Variants in ATP5IF1 observed in about 807,000 individuals in gnomAD.
ATP5IF1 encodes the protein ATP synthase inhibitory factor subunit 1.
A neutral mutation model predicts 8.5 loss-of-function variants in ATP5IF1; 12 were observed. The ratio of observed to expected loss-of-function variants is 1.41; its 90% CI spans 0.90 to 2.28. The LOEUF (loss-of-function observed/expected upper bound fraction) is 2.28, where lower values mean the gene tolerates loss of function less well. Among genes scored for constraint, ATP5IF1 ranks in the 30% most tolerant of loss-of-function variants. The pLI is 0.00. For missense variants in ATP5IF1, 154 were observed against 140.2 expected (o/e 1.10, Z -0.50); for synonymous variants, 51 against 53.4 (o/e 0.96, Z 0.19).
chr1:28,236,159 C>A lies in ATP5IF1; in HGVS notation c.-25C>A. On this transcript the variant is annotated 5_prime_UTR_variant, in exon 1 of 3. Transcript: ENST00000335514. The stretch of plus-strand genomic sequence containing the variant: ...GAGAGACTGCTTGCTGCGGCAGAGA[C>A]GCCAGAGGTGCAGCTCCAGCAGCAA... The A allele has an allele frequency of 9.3e-6, 15 of 1,610,164 alleles. No individual in the cohort carries two copies. Among genetic ancestry groups the A allele is most frequent in the Non-Finnish European group, 1.3e-5 (15 of 1,179,778 alleles).
intron 2 of ATP5IF1, chr1:28,236,672 A>G: frequency 2.6e-5 from 38 of 1,446,742 alleles, no homozygotes; most frequent in Non-Finnish European, 3.3e-5. Flanking sequence ...CAGGCCCCCA[A>G]ACCGTTTCCA....
chr1:28,237,802 T>C (rs1226470818), intron 2 of ATP5IF1, 35 bp from the exon 3 acceptor site: 13 of 1,613,976 alleles, frequency 8.1e-6, no homozygotes, highest in Non-Finnish European at 1.1e-5. Flanking sequence ...GGGTGAAGGA[T>C]TGAAATTAAA....
intron 2 of ATP5IF1, chr1:28,236,740 C>T: frequency 1.5e-6 from 2 of 1,339,594 alleles, no homozygotes; most frequent in East Asian, 3.2e-5. Flanking sequence ...TACCATCTCC[C>T]GCGTGGAGTT....
chr1:28,236,525 C>T (rs1236733634), intron 2 of ATP5IF1, 73 bp downstream of exon 2: 5 of 1,605,366 alleles, frequency 3.1e-6, no homozygotes, highest in Non-Finnish European at 4.2e-6. Flanking sequence ...TGCCAATCGC[C>T]CCACCCGTTC....
Position 28,237,857 on chromosome 1 carries a change from T to C in ATP5IF1, c.200T>C (p.Leu67Pro). The C allele has an allele frequency of 1.9e-6, 3 of 1,614,162 alleles. No homozygotes were observed. Among genetic ancestry groups the C allele is most frequent in the Non-Finnish European group, 2.5e-6 (3 of 1,180,028 alleles). ...TGTAGAGCACAGAGTAGAGAACAAC[T>C]GGCAGCTTTGAAAAAACACCATGAA... ...RYFRAQSREQ[L>P]AALKKHHEEE... The change falls in exon 3 of 3, where the codon CTG (leucine) becomes CCG (proline). Residue 67 changes from leucine to proline, a missense_variant. Leu to Pro is a moderately conservative substitution (Grantham distance 98). Coordinates refer to ENST00000335514, the MANE Select transcript of ATP5IF1 (RefSeq NM_016311.5).
rs755485744 is a variant in ATP5IF1, at chr1:28,236,173, C to T, written c.-11C>T. Reference sequence around the variant, plus strand: ...TGCGGCAGAGACGCCAGAGGTGCAGCTCCAGCAGCAATGGCAGTGACGGCG... The same window carrying T: ...TGCGGCAGAGACGCCAGAGGTGCAGTTCCAGCAGCAATGGCAGTGACGGCG... On this transcript the variant is annotated 5_prime_UTR_variant, in exon 1 of 3. Transcript: ENST00000335514. The T allele has an allele frequency of 1.1e-5, 17 of 1,612,300 alleles. No individual in the cohort carries two copies. In the Admixed American group the frequency reaches 2.0e-4, roughly 19 times the overall value.
chr1:28,237,305 G>A (rs1647046008), intron 2 of ATP5IF1: 1 of 1,000,038 alleles, frequency 1.0e-6, no homozygotes, highest in Non-Finnish European at 1.2e-6. Flanking sequence ...AAGGAAAACT[G>A]AGGCCTAAAT....
intron 2 of ATP5IF1, chr1:28,237,196 T>G (rs1385109425): frequency 3.0e-6 from 3 of 991,378 alleles, no homozygotes; most frequent in Admixed American, 5.8e-5. Context: ...CACTTCTGCC[T>G]TCTGTTGAGA....
chr1:28,236,754 C>T, intron 2 of ATP5IF1: 1 of 1,311,142 alleles, frequency 7.6e-7, no homozygotes, highest in African/African-American at 1.5e-5. Context: ...TGGAGTTCTC[C>T]TCAGGTCGTG....
intron 1 of ATP5IF1, 41 bp downstream of exon 1, chr1:28,236,311 G>T (rs1309166910): frequency 1.2e-6 from 2 of 1,614,214 alleles, no homozygotes; most frequent in Non-Finnish European, 1.7e-6. Flanking sequence ...CCCGCGGGCG[G>T]ATCCCATCTT....
intron 2 of ATP5IF1, 182 bp from the exon 3 acceptor site, chr1:28,237,655 A>G (rs948073072): frequency 1.1e-5 from 17 of 1,529,710 alleles, no homozygotes; most frequent in Non-Finnish European, 1.5e-5. Flanking sequence ...TCTTCTTAAG[A>G]TGGCTACACC....
intron 2 of ATP5IF1, chr1:28,237,511 T>G: frequency 7.3e-7 from 1 of 1,366,496 alleles, no homozygotes; most frequent in Non-Finnish European, 9.4e-7. Context: ...CTTCCTCATT[T>G]TGTTCCTTTT....
chr1:28,237,431 G>C (rs1017675882), intron 2 of ATP5IF1: 7 of 1,136,348 alleles, frequency 6.2e-6, no homozygotes, highest in Middle Eastern at 7.5e-4. Context: ...ATTTCTATAG[G>C]CAAAGAAAGC....
chr1:28,237,867 GA>G lies in ATP5IF1; in HGVS notation c.216del (p.Lys72AsnfsTer31). ...AQSREQLAAL[K>X]KHHEEEIVHH... ...AGAGTAGAGAACAACTGGCAGCTTT[GA>G]AAAAACACCATGAAGAAGAAATCGT... On this transcript the variant is annotated frameshift_variant, in exon 3 of 3. Coordinates refer to ENST00000335514, the MANE Select transcript of ATP5IF1 (RefSeq NM_016311.5). LOFTEE classifies it high-confidence loss of function. 1 of 1,614,028 alleles carries G rather than the reference GA, an allele frequency of 6.2e-7. No homozygotes were observed. Among genetic ancestry groups the G allele is most frequent in the East Asian group, 2.2e-5 (1 of 44,890 alleles).
At position 28,236,874 on chromosome 1, in the gene ATP5IF1, C is replaced by G. The variant is rs1194053055; in HGVS notation, c.179+422C>G. The G allele has an allele frequency of 3.5e-6, 4 of 1,133,364 alleles. No homozygotes were observed. The African/African-American group carries it at 6.5e-5, about 18-fold the overall frequency. The allele number at this position is 1,133,364 out of a possible 1,614,324, so 70.2% of individuals were successfully genotyped here. ...CACCTGTCACCCCCTCTACGCTCTC[C>G]TTCCTCGCCAGCACGCCTTAGCTTT... On this transcript the variant is annotated intron_variant, in intron 2 of 2. Coordinates refer to ENST00000335514, the MANE Select transcript of ATP5IF1 (RefSeq NM_016311.5).
At position 28,236,145 on chromosome 1, in the gene ATP5IF1, T is replaced by A. The variant is rs982211643; in HGVS notation, c.-39T>A. On this transcript the variant is annotated 5_prime_UTR_variant, in exon 1 of 3. Transcript: ENST00000335514. ...CATTAGCGCGTAACGAGAGACTGCT[T>A]GCTGCGGCAGAGACGCCAGAGGTGC... 2 of 1,607,058 alleles carry A rather than the reference T, an allele frequency of 1.2e-6. No individual in the cohort carries two copies.
In ATP5IF1 at chr1:28,238,072, A is replaced by G; in HGVS notation, c.*94A>G. ...ACTAATATTTGTCTGTGTGCTACTAACAGATTATAATAAATTGTCATCAGT... is the reference window on the plus strand; with the variant it reads ...ACTAATATTTGTCTGTGTGCTACTAGCAGATTATAATAAATTGTCATCAGT... On this transcript the variant is annotated 3_prime_UTR_variant, in exon 3 of 3. Coordinates refer to ENST00000335514, the MANE Select transcript of ATP5IF1 (RefSeq NM_016311.5). 7.9e-7 allele frequency: 1 copy of G among 1,260,368 alleles called. No individual in the cohort carries two copies. Among genetic ancestry groups the G allele is most frequent in the Non-Finnish European group, 1.1e-6 (1 of 914,750 alleles). The allele number at this position is 1,260,368 out of a possible 1,614,324, so 78.1% of individuals were successfully genotyped here. A position where few individuals can be genotyped will look rare whatever the true frequency, so the allele number is the denominator to read the frequency against.
Position 28,237,946 on chromosome 1 carries a change from CAGA to C in ATP5IF1, c.293_295del (p.Lys98del), listed in dbSNP as rs763719665. On this transcript the variant is annotated inframe_deletion, in exon 3 of 3. Coordinates refer to ENST00000335514, the MANE Select transcript of ATP5IF1 (RefSeq NM_016311.5). ...GCAGAAAGAAATTGAGCGCCATAAG[CAGA>C]AGATCAAAATGCTAAAACATGATGA... The C allele has an allele frequency of 2.2e-5, 35 of 1,613,086 alleles. No homozygotes were observed. Among genetic ancestry groups the C allele is most frequent in the East Asian group, 6.7e-5 (3 of 44,886 alleles).
chr1:28,237,453 TG>T, intron 2 of ATP5IF1: 1 of 1,236,550 alleles, frequency 8.1e-7, no homozygotes, highest in Non-Finnish European at 1.0e-6. Context: ...CTAGACAGAT[TG>T]GAATAGGAAA....
Sources: gnomAD v4.1 joint callset for allele counts on GRCh38, gnomAD v4.1.1 for gene constraint, MANE v1.5 for transcripts, NCBI Gene and HGNC (gene_info 2026-07-23, HGNC 2026-07-21) for gene names.